Variants in HSPG2 observed in about 807,000 individuals in gnomAD.
The protein encoded by HSPG2 is basement membrane-specific heparan sulfate proteoglycan core protein.
Under a neutral mutation model 526.6 loss-of-function variants are expected in HSPG2, and 278 were observed. The observed-to-expected ratio is 0.53, with a 90% confidence interval of 0.48 to 0.58. The LOEUF (loss-of-function observed/expected upper bound fraction) is 0.58, where lower values mean the gene tolerates loss of function less well. Among genes scored for constraint, HSPG2 ranks in the 20% least tolerant of loss-of-function variants. The pLI is 0.00. For missense variants in HSPG2, 5,354 were observed against 6,099.5 expected, an observed-to-expected ratio of 0.88 and a Z score of 4.07; for synonymous variants, 2,465 against 2,555.4, an observed-to-expected ratio of 0.96 and a Z score of 1.07.
chr1:21,851,706 T>C lies in HSPG2; in HGVS notation c.7007-9A>G. ...CTGGGTGCTGCCGGCAGCTGAGGGATAAGATGGTCACCGGTCACTCCTGTT... is the reference window on the plus strand; with the variant it reads ...CTGGGTGCTGCCGGCAGCTGAGGGACAAGATGGTCACCGGTCACTCCTGTT... On this transcript the variant is annotated splice_polypyrimidine_tract_variant and intron_variant, in intron 54 of 96. Transcript: ENST00000374695. 6.2e-7 allele frequency: 1 copy of C among 1,613,898 alleles called. No homozygotes were observed. The highest frequency in any genetic ancestry group is 8.5e-7 in the Non-Finnish European group (1 of 1,180,020).
chr1:21,886,374 TC>T (rs35303294), intron 9 of HSPG2, among the ~76,000 whole-genome samples: 149,616 of 152,246 alleles, frequency 0.98, 73,569 homozygotes, highest in Middle Eastern at 1. Context: ...GTGCAGCCTC[TC>T]CCCCGGGGCT....
At chr1:21,923,278 G>C (rs1173511117) in intron 1 of HSPG2, among the ~76,000 whole-genome samples, 1 of 152,028 alleles carries the variant, frequency 6.6e-6, no homozygotes, top group Non-Finnish European at 1.5e-5. Context: ...ATAATGGCGG[G>C]CGCCTGTAAT....
At chr1:21,870,150 CA>C in intron 33 of HSPG2, 1 of 735,534 alleles carries the variant, frequency 1.4e-6, no homozygotes, top group Non-Finnish European at 1.7e-6. Context: ...TGCCTGGACT[CA>C]GCTCTCTGGT....
rs1218672164 is a variant in HSPG2, at chr1:21,864,812, G to A, written c.4626+31C>T. On this transcript the variant is annotated intron_variant, in intron 36 of 96. Transcript: ENST00000374695. The surrounding 1 kb of genome is among the most constrained non-coding windows in gnomAD (Gnocchi z 4.8). ...TGCTTGCTGATGCCTCTGTGCCTGT[G>A]CAGAGGTGGTGGAGCTGGCCACACA... The A allele has an allele frequency of 1.3e-6, 2 of 1,554,432 alleles. No individual in the cohort carries two copies. The highest frequency in any genetic ancestry group is 1.1e-5 in the South Asian group (1 of 87,138).
chr1:21,849,416 C>T (rs542102256), intron 57 of HSPG2, among the ~76,000 whole-genome samples: 6 of 152,198 alleles, frequency 3.9e-5, no homozygotes, highest in East Asian at 1.9e-4. Flanking sequence ...TGTCCAGCAG[C>T]GGGGTGGTAG....
chr1:21,877,141 C>G (rs912477952), intron 21 of HSPG2, among the ~76,000 whole-genome samples: 3 of 152,044 alleles, frequency 2.0e-5, no homozygotes, highest in African/African-American at 7.2e-5. Flanking sequence ...GTAATTCCCA[C>G]TTAACAAGCA....
At chr1:21,871,155 C>G (rs3820280) in intron 33 of HSPG2, among the ~76,000 whole-genome samples, 17,142 of 152,204 alleles carry the variant, frequency 0.11, 1,134 homozygotes, top group South Asian at 0.2. Context: ...CCCTGCCCCC[C>G]ACAACACCAT....
At position 21,887,722 on chromosome 1, in the gene HSPG2, A is replaced by G. The variant is rs1465187454; in HGVS notation, c.704-48T>C. The G allele has an allele frequency of 1.9e-6, 3 of 1,612,952 alleles. No individual in the cohort carries two copies. Among genetic ancestry groups the G allele is most frequent in the Non-Finnish European group, 2.5e-6 (3 of 1,179,436 alleles). On this transcript the variant is annotated intron_variant, in intron 7 of 96. Coordinates refer to ENST00000374695, the MANE Select transcript of HSPG2 (RefSeq NM_005529.7). This position sits in a 1 kb window ranked among gnomAD's most constrained non-coding sequence, Gnocchi z 5.0. Reference sequence around the variant, plus strand: ...ATTTGGCAGAAGCAGATGGCTCCTCACCTGCTCCTTGTCCCCAACCCTCCC... The same window carrying G: ...ATTTGGCAGAAGCAGATGGCTCCTCGCCTGCTCCTTGTCCCCAACCCTCCC...
intron 25 of HSPG2, 71 bp from the exon 26 acceptor site, chr1:21,875,073 G>A (rs1640945436): frequency 8.9e-7 from 1 of 1,127,244 alleles, no homozygotes; most frequent in African/African-American, 1.5e-5. Context: ...GTCCTCCACT[G>A]GCAGGGTCTT....
chr1:21,834,676 C>T lies in HSPG2; in HGVS notation c.10720+3G>A. On this transcript the variant is annotated splice_donor_region_variant and intron_variant, in intron 77 of 96. Transcript: ENST00000374695. ...CCCAACAAAAGTCCCCACTGGCCTT[C>T]ACCTTGCACAAGCAGCAGGACGTGG... The T allele has an allele frequency of 6.2e-7, 1 of 1,614,114 alleles. No homozygotes were observed. The highest frequency in any genetic ancestry group is 8.5e-7 in the Non-Finnish European group (1 of 1,180,030).
rs1318771988 is a variant in HSPG2, at chr1:21,859,836, T to C, written c.5181A>G (p.Gln1727=). ...PVPSGTQQRH[Q]GSELHFPSVQ... is the part of the protein sequence containing the mutation. Reference sequence around the variant, plus strand: ...TGAGGAGCCTAGGGCCATGGGTACCTTGATGTCGCTGCTGGGTGCCGCTGG... The same window carrying C: ...TGAGGAGCCTAGGGCCATGGGTACCCTGATGTCGCTGCTGGGTGCCGCTGG... Residue 1727 remains glutamine, a splice_region_variant and synonymous_variant, in exon 41 of 97, where the codon CAA becomes CAG. Transcript: ENST00000374695. This position sits in a 1 kb window ranked among gnomAD's most constrained non-coding sequence, Gnocchi z 5.3. The C allele has an allele frequency of 1.9e-6, 3 of 1,611,316 alleles. No homozygotes were observed. Among genetic ancestry groups the C allele is most frequent in the Admixed American group, 1.7e-5 (1 of 59,814 alleles).
intron 85 of HSPG2, chr1:21,830,384 G>C (rs1205790139): frequency 2.1e-6 from 1 of 470,024 alleles, no homozygotes; most frequent in Non-Finnish European, 3.9e-6. Flanking sequence ...GTGGGCACCT[G>C]GGTAATAAGA....
chr1:21,934,192 T>C (rs1356024467), intron 1 of HSPG2, among the ~76,000 whole-genome samples: 1 of 152,222 alleles, frequency 6.6e-6, no homozygotes, highest in Non-Finnish European at 1.5e-5. Flanking sequence ...CGGGGAAGCC[T>C]GGAGCTCCCT....
chr1:21,868,869 C>T (rs1640437580), intron 33 of HSPG2: 4 of 927,236 alleles, frequency 4.3e-6, no homozygotes, highest in African/African-American at 1.8e-5. Context: ...CTATAATCCC[C>T]CCAAATCCTT....
rs1293518064 is a variant in HSPG2 at position 21,847,858 on chromosome 1, T to C, written c.7874-18A>G. Reference sequence around the variant, plus strand: ...GCTGGGCACTGGGGACAGACGGGTGTGGACCACGCAGCCAGAGTGAGATAA... The same window carrying C: ...GCTGGGCACTGGGGACAGACGGGTGCGGACCACGCAGCCAGAGTGAGATAA... On this transcript the variant is annotated intron_variant, in intron 60 of 96. Transcript: ENST00000374695. This position sits in a 1 kb window ranked among gnomAD's most constrained non-coding sequence, Gnocchi z 4.1. 1 of 1,613,762 alleles carries C rather than the reference T, an allele frequency of 6.2e-7. No individual in the cohort carries two copies. The highest frequency in any genetic ancestry group is 1.1e-5 in the South Asian group (1 of 91,078).
chr1:21,890,344 C>A lies in HSPG2; in HGVS notation c.413+83G>T. The A allele has an allele frequency of 7.0e-7, 1 of 1,434,098 alleles. No homozygotes were observed. Among genetic ancestry groups the A allele is most frequent in the Non-Finnish European group, 9.8e-7 (1 of 1,017,752 alleles). 88.8% of individuals were successfully genotyped at this position (1,434,098 alleles called of 1,614,324 possible). On this transcript the variant is annotated intron_variant, in intron 5 of 96. Coordinates refer to ENST00000374695, the MANE Select transcript of HSPG2 (RefSeq NM_005529.7). The surrounding 1 kb of genome is among the most constrained non-coding windows in gnomAD (Gnocchi z 4.1). ...TCATCCCATAGGCCTTTCCGCGGTG[C>A]CAGGCTTCCTTCCCATCCTCATCAG...
intron 1 of HSPG2, among the ~76,000 whole-genome samples, chr1:21,899,124 T>C (rs897375512): frequency 6.6e-6 from 1 of 152,196 alleles, no homozygotes; most frequent in Non-Finnish European, 1.5e-5. Context: ...TCTGCCAGTC[T>C]GCTGTTGCTT....
rs375290305 is a variant in HSPG2, at chr1:21,876,572, G to C, written c.2766C>G (p.Leu922=). ...GACTGACACCCATGCAGAAGCACTT[G>C]AGGCAGCCATCGGGGTTTCGGGTAC... ...HLSTRNPDGC[L]KCFCMGVSRH... The change falls in exon 22 of 97, where the codon CTC becomes CTG. Residue 922 remains leucine, a synonymous_variant. Coordinates refer to ENST00000374695, the MANE Select transcript of HSPG2 (RefSeq NM_005529.7). The C allele has an allele frequency of 2.0e-5, 32 of 1,614,268 alleles. No individual in the cohort carries two copies. The African/African-American group carries it at 3.1e-4, about 15-fold the overall frequency.
At chr1:21,900,753 T>C (rs545203873) in intron 1 of HSPG2, among the ~76,000 whole-genome samples, 1 of 152,114 alleles carries the variant, frequency 6.6e-6, no homozygotes, top group East Asian at 1.9e-4. Context: ...AGCGCGGTGG[T>C]GCATGCCTAT....
Sources: gnomAD v4.1 joint callset for allele counts (sites outside exome capture counted in the v4.1 genomes callset) on GRCh38, gnomAD v4.1.1 for gene constraint, Gnocchi (gnomAD v3.1) non-coding constraint, MANE v1.5 for transcripts, NCBI Gene and HGNC (gene_info 2026-07-23, HGNC 2026-07-21) for gene names.